Variants in FIGN observed in about 807,000 individuals in gnomAD.
FIGN encodes the protein fidgetin.
A neutral mutation model predicts 51.3 loss-of-function variants in FIGN; 11 were observed. That is an observed-to-expected ratio of 0.21 (90% CI 0.13 to 0.35). The LOEUF is 0.35. Ranked by LOEUF, FIGN falls within the 10% of genes least tolerant of loss-of-function variation. The pLI is 1.00. For missense variants in FIGN, 857 were observed against 943.6 expected, an observed-to-expected ratio of 0.91 and a Z score of 1.20; for synonymous variants, 407 against 363.2, an observed-to-expected ratio of 1.12 and a Z score of -1.37.
chr2:163,643,725 G>A (rs569584380), intron 2 of FIGN, among the ~76,000 whole-genome samples: 121 of 145,284 alleles, frequency 8.3e-4, no homozygotes, highest in African/African-American at 2.9e-3. Flanking sequence ...AGGCTGAGGC[G>A]GGTGGATCAC....
intron 2 of FIGN, among the ~76,000 whole-genome samples, chr2:163,677,353 ACT>A (rs1683989274): frequency 6.6e-6 from 1 of 152,156 alleles, no homozygotes; most frequent in African/African-American, 2.4e-5. Flanking sequence ...CCTTAACCCC[ACT>A]GACTTCTCAA....
At chr2:163,710,340 G>C (rs991413049) in intron 2 of FIGN, among the ~76,000 whole-genome samples, 1 of 152,172 alleles carries the variant, frequency 6.6e-6, no homozygotes, top group Non-Finnish European at 1.5e-5. Context: ...CACTTTCGTG[G>C]AAATTATGAA....
In FIGN at chr2:163,609,408, G is replaced by A. The variant is rs1691180206; in HGVS notation, c.*144C>T. 2 of 699,292 alleles carry A rather than the reference G, an allele frequency of 2.9e-6. No individual in the cohort carries two copies. Among genetic ancestry groups the A allele is most frequent in the Non-Finnish European group, 4.6e-6 (2 of 431,248 alleles). The allele number at this position is 699,292 out of a possible 1,614,324, so 43.3% of individuals were successfully genotyped here. Reference sequence around the variant, plus strand: ...TGCACTTTTCCTCCAAATCTACCCTGACTCTAAAGATGCAACTTAATCGTC... The same window carrying A: ...TGCACTTTTCCTCCAAATCTACCCTAACTCTAAAGATGCAACTTAATCGTC... On this transcript the variant is annotated 3_prime_UTR_variant, in exon 3 of 3. Coordinates refer to ENST00000333129, the MANE Select transcript of FIGN (RefSeq NM_018086.4).
chr2:163,628,630 G>A (rs1427450212), intron 2 of FIGN, among the ~76,000 whole-genome samples: 2 of 151,928 alleles, frequency 1.3e-5, no homozygotes, highest in Non-Finnish European at 2.9e-5. Flanking sequence ...CTAAACTTAA[G>A]CAAGAGGAAG....
intron 2 of FIGN, among the ~76,000 whole-genome samples, chr2:163,706,952 G>T (rs984432293): frequency 7.2e-5 from 11 of 152,118 alleles, no homozygotes; most frequent in African/African-American, 2.7e-4. Flanking sequence ...CACGGCCATT[G>T]CAGCATCAGT....
At chr2:163,680,376 G>A (rs12994048) in intron 2 of FIGN, among the ~76,000 whole-genome samples, 80,624 of 151,832 alleles carry the variant, frequency 0.53, 25,355 homozygotes, top group Non-Finnish European at 0.68. Context: ...TTGTGGCACC[G>A]CAAACCAAGC....
In FIGN at chr2:163,609,663, G is replaced by T; in HGVS notation, c.2169C>A (p.Pro723=). 6.2e-7 allele frequency: 1 copy of T among 1,614,016 alleles called. No homozygotes were observed. Among genetic ancestry groups the T allele is most frequent in the Non-Finnish European group, 8.5e-7 (1 of 1,180,004 alleles). The change falls in exon 3 of 3, where the codon CCC becomes CCA. Residue 723 remains proline, a synonymous_variant. Transcript: ENST00000333129. Reference sequence around the variant, plus strand: ...CATTTTCAAAGTCTTGATATGTAACGGGCCTCAACTGGCTGGGCATAATGG... The same window carrying T: ...CATTTTCAAAGTCTTGATATGTAACTGGCCTCAACTGGCTGGGCATAATGG... The part of the protein sequence containing the change: ...LSAIMPSQLR[P]VTYQDFENAF...
At chr2:163,723,182 C>G (rs1684786689) in intron 2 of FIGN, among the ~76,000 whole-genome samples, 1 of 151,718 alleles carries the variant, frequency 6.6e-6, no homozygotes, top group African/African-American at 2.4e-5. Context: ...CAGAGCAAGA[C>G]TCCGTCTCAA....
intron 2 of FIGN, among the ~76,000 whole-genome samples, chr2:163,612,896 G>A (rs1248915287): frequency 6.6e-6 from 1 of 151,878 alleles, no homozygotes; most frequent in East Asian, 1.9e-4. Context: ...TAGGGCATAC[G>A]CTAGAGGAGT....
chr2:163,732,728 A>G (rs1684950736), intron 2 of FIGN, among the ~76,000 whole-genome samples: 1 of 152,194 alleles, frequency 6.6e-6, no homozygotes, highest in African/African-American at 2.4e-5. Context: ...TGGTCAAAAT[A>G]TCCTTGCTTT....
At chr2:163,677,242 GT>G (rs1256899440) in intron 2 of FIGN, among the ~76,000 whole-genome samples, 1 of 152,212 alleles carries the variant, frequency 6.6e-6, no homozygotes, top group East Asian at 1.9e-4. Context: ...CTGTTTCAAA[GT>G]TTCATTTGGG....
intron 2 of FIGN, among the ~76,000 whole-genome samples, chr2:163,668,749 G>A (rs1177411104): frequency 2.0e-5 from 3 of 151,956 alleles, no homozygotes; most frequent in African/African-American, 7.3e-5. Flanking sequence ...GACCATCCTG[G>A]CTAACACGGT....
chr2:163,634,629 T>C (rs1178781691), intron 2 of FIGN, among the ~76,000 whole-genome samples: 2 of 152,236 alleles, frequency 1.3e-5, no homozygotes, highest in Non-Finnish European at 2.9e-5. Context: ...CTTGTAATAA[T>C]GATGCTACAG....
chr2:163,660,630 C>T (rs1683637674), intron 2 of FIGN, among the ~76,000 whole-genome samples: 1 of 145,818 alleles, frequency 6.9e-6, no homozygotes, highest in Admixed American at 7.0e-5. Context: ...TTGTTAACAG[C>T]CCAAGACTGA....
chr2:163,609,448 C>G lies in FIGN; in HGVS notation c.*104G>C, dbSNP rs958442247. On this transcript the variant is annotated 3_prime_UTR_variant, in exon 3 of 3. Transcript: ENST00000333129. ...ACTTAATCGTCATCTTCCCCAGTAC[C>G]CTTTGCAATTTAAACTCTACTGGAA... 1 of 960,382 alleles carries G rather than the reference C, an allele frequency of 1.0e-6. No homozygotes were observed. Among genetic ancestry groups the G allele is most frequent in the Non-Finnish European group, 1.5e-6 (1 of 653,584 alleles). The allele number at this position is 960,382 out of a possible 1,614,324, so 59.5% of individuals were successfully genotyped here.
At chr2:163,615,476 T>C (rs1224227206) in intron 2 of FIGN, among the ~76,000 whole-genome samples, 2 of 152,198 alleles carry the variant, frequency 1.3e-5, no homozygotes, top group Non-Finnish European at 1.5e-5. Context: ...TTTGTTGTTA[T>C]TGTTATTGTG....
At chr2:163,717,895 A>G (rs912721633) in intron 2 of FIGN, among the ~76,000 whole-genome samples, 1 of 152,194 alleles carries the variant, frequency 6.6e-6, no homozygotes, top group African/African-American at 2.4e-5. Context: ...ATGTAAATGA[A>G]TGGTTTAAAT....
At chr2:163,639,668 C>A (rs1263755211) in intron 2 of FIGN, among the ~76,000 whole-genome samples, 2 of 152,122 alleles carry the variant, frequency 1.3e-5, no homozygotes, top group East Asian at 3.9e-4. Flanking sequence ...CCCAGATACA[C>A]TGAAACCAAA....
At chr2:163,621,090 G>C (rs569413071) in intron 2 of FIGN, among the ~76,000 whole-genome samples, 4 of 152,124 alleles carry the variant, frequency 2.6e-5, no homozygotes, top group African/African-American at 9.6e-5. Context: ...GTTTACATAA[G>C]ACAAAATAGA....
Sources: allele counts gnomAD v4.1 joint callset (sites outside exome capture counted in the v4.1 genomes callset), GRCh38; gene constraint gnomAD v4.1.1; transcripts MANE v1.5; gene names NCBI Gene and HGNC (gene_info 2026-07-23, HGNC 2026-07-21).